PTPRD: variants seen among roughly 807,000 people sequenced by gnomAD.
PTPRD encodes protein tyrosine phosphatase receptor type D.
PTPRD carries 34 observed loss-of-function variants against 214.5 expected under a neutral mutation model. The ratio of observed to expected loss-of-function variants is 0.16; its 90% CI spans 0.12 to 0.21. The LOEUF is 0.21. Ranked by LOEUF, PTPRD falls within the 10% of genes least tolerant of loss-of-function variation. PTPRD has a pLI of 1.00. For synonymous variants in PTPRD, 1,128 were observed against 845.7 expected (o/e 1.33, Z -5.79); for missense variants, 2,545 against 2,398.7 (o/e 1.06, Z -1.27).
At chr9:9,176,276 G>C (rs969816190) in intron 10 of PTPRD, among the ~76,000 whole-genome samples, 1 of 152,092 alleles carries the variant, frequency 6.6e-6, no homozygotes, top group Non-Finnish European at 1.5e-5. Flanking sequence ...TTTATTTCTA[G>C]AAAGAGGTAT....
chr9:10,391,339 T>C (rs1032904314), intron 2 of PTPRD, among the ~76,000 whole-genome samples: 1 of 151,770 alleles, frequency 6.6e-6, no homozygotes, highest in Non-Finnish European at 1.5e-5. Context: ...TTTCTTTTTG[T>C]CTTGATCCAT....
chr9:9,914,460 C>G lies in PTPRD; in HGVS notation c.-368+24047G>C, dbSNP rs541654340. ...CCACGTCAGGGGCCTAAGAAATAACCCTGTGCCTGCACTTAGCAGACACAA... is the reference window on the plus strand; with the variant it reads ...CCACGTCAGGGGCCTAAGAAATAACGCTGTGCCTGCACTTAGCAGACACAA... On this transcript the variant is annotated intron_variant, in intron 5 of 45. Transcript: ENST00000381196. 3.9e-5 allele frequency among the ~76,000 whole-genome samples: 6 copies of G among 152,292 alleles called. No individual in the cohort carries two copies. The South Asian group carries it at 1.0e-3, about 26-fold the overall frequency.
chr9:10,563,358 A>G (rs2064587191), intron 2 of PTPRD, among the ~76,000 whole-genome samples: 1 of 152,180 alleles, frequency 6.6e-6, no homozygotes, highest in African/African-American at 2.4e-5. Context: ...CAGAAGGAAG[A>G]AATGAGAAAA....
intron 11 of PTPRD, among the ~76,000 whole-genome samples, chr9:8,982,074 G>A (rs565355993): frequency 6.6e-6 from 1 of 152,098 alleles, no homozygotes; most frequent in East Asian, 1.9e-4. Context: ...GTCAAGAAGT[G>A]AATGGCAGTG....
intron 2 of PTPRD, among the ~76,000 whole-genome samples, chr9:10,345,020 T>G (rs1490115617): frequency 6.6e-6 from 1 of 152,162 alleles, no homozygotes; most frequent in Non-Finnish European, 1.5e-5. Flanking sequence ...GAGCATTAAA[T>G]CCTTTCTCCC....
At chr9:8,332,807 C>G (rs193013900) in intron 43 of PTPRD, among the ~76,000 whole-genome samples, 1 of 152,142 alleles carries the variant, frequency 6.6e-6, no homozygotes, top group South Asian at 2.1e-4. Context: ...TTAGAGAGAC[C>G]GATCTCATTT....
chr9:10,235,772 T>A (rs1328658830), intron 3 of PTPRD, among the ~76,000 whole-genome samples: 1 of 152,016 alleles, frequency 6.6e-6, no homozygotes, highest in Non-Finnish European at 1.5e-5. Flanking sequence ...CTTAAGTATC[T>A]AATGAGCGAT....
chr9:8,586,306 A>G (rs1564534627), intron 14 of PTPRD, among the ~76,000 whole-genome samples: 1 of 152,116 alleles, frequency 6.6e-6, no homozygotes, highest in African/African-American at 2.4e-5. Flanking sequence ...CTCAAAAAAT[A>G]ATAATAATTT....
At chr9:10,339,647 T>C (rs1037327316) in intron 3 of PTPRD, among the ~76,000 whole-genome samples, 4 of 151,620 alleles carry the variant, frequency 2.6e-5, no homozygotes, top group Admixed American at 2.0e-4. Context: ...AAAATGGATA[T>C]TGGGACCTCC....
At chr9:8,344,724 C>A (rs866025248) in intron 39 of PTPRD, among the ~76,000 whole-genome samples, 7 of 152,046 alleles carry the variant, frequency 4.6e-5, no homozygotes, top group Admixed American at 1.3e-4. Context: ...TGAAGCAAGA[C>A]CTTGAGGCTT....
At chr9:9,657,834 C>T (rs1345168364) in intron 7 of PTPRD, among the ~76,000 whole-genome samples, 1 of 152,098 alleles carries the variant, frequency 6.6e-6, no homozygotes, top group East Asian at 1.9e-4. Context: ...TAGAGTAACA[C>T]AAATGGACAA....
At chr9:9,857,546 A>T (rs975810019) in intron 5 of PTPRD, among the ~76,000 whole-genome samples, 1 of 152,184 alleles carries the variant, frequency 6.6e-6, no homozygotes, top group Non-Finnish European at 1.5e-5. Flanking sequence ...AGCTCACAGG[A>T]TGCTGGCTCT....
intron 2 of PTPRD, among the ~76,000 whole-genome samples, chr9:10,534,129 G>C (rs1050387332): frequency 3.3e-5 from 5 of 151,784 alleles, no homozygotes; most frequent in African/African-American, 1.2e-4. Context: ...TACTATCATT[G>C]TCAGGTTGTT....
chr9:10,034,319 T>C (rs1290388028), intron 3 of PTPRD, among the ~76,000 whole-genome samples: 1 of 151,956 alleles, frequency 6.6e-6, no homozygotes, highest in Non-Finnish European at 1.5e-5. Context: ...ATTTAACCTC[T>C]ATTCCTTCTG....
intron 7 of PTPRD, among the ~76,000 whole-genome samples, chr9:9,711,333 G>A (rs193063286): frequency 9.2e-5 from 14 of 152,040 alleles, no homozygotes; most frequent in South Asian, 2.1e-4. Flanking sequence ...CACTTAAGAC[G>A]GCAGTTTCCA....
chr9:8,444,757 GA>G (rs1319695306), intron 34 of PTPRD, among the ~76,000 whole-genome samples: 1 of 152,036 alleles, frequency 6.6e-6, no homozygotes, highest in Non-Finnish European at 1.5e-5. Context: ...TGTTGCTTTT[GA>G]AATTAAAAAG....
chr9:10,213,105 T>C (rs527753881), intron 3 of PTPRD, among the ~76,000 whole-genome samples: 1 of 152,264 alleles, frequency 6.6e-6, no homozygotes, highest in East Asian at 1.9e-4. Flanking sequence ...TTTGGCACCA[T>C]AGAGATGTAA....
At chr9:10,210,399 C>T (rs980990375) in intron 3 of PTPRD, among the ~76,000 whole-genome samples, 30 of 152,012 alleles carry the variant, frequency 2.0e-4, no homozygotes, top group African/African-American at 6.7e-4. Context: ...AATATGGAAA[C>T]AATTACCAAT....
At chr9:8,752,519 C>A (rs1053240126) in intron 11 of PTPRD, among the ~76,000 whole-genome samples, 2 of 152,196 alleles carry the variant, frequency 1.3e-5, no homozygotes, top group Non-Finnish European at 2.9e-5. Context: ...CATTCCTTTA[C>A]TTTTCTTAAT....
Sources: gnomAD v4.1 joint callset for allele counts (sites outside exome capture counted in the v4.1 genomes callset) on GRCh38, gnomAD v4.1.1 for gene constraint, MANE v1.5 for transcripts, NCBI Gene and HGNC (gene_info 2026-07-23, HGNC 2026-07-21) for gene names.